The following SMIM17 variants were observed in gnomAD, a reference collection of about 807,000 sequenced individuals.
SMIM17 encodes the protein small integral membrane protein 17.
A neutral mutation model predicts 12.2 loss-of-function variants in SMIM17; 10 were observed. The observed-to-expected ratio is 0.82, with a 90% confidence interval of 0.50 to 1.39. SMIM17 has a LOEUF of 1.39. Among genes scored for constraint, SMIM17 ranks in the 40% most tolerant of loss-of-function variants. The pLI, the probability that SMIM17 is intolerant of heterozygous loss-of-function variation, is 0.00. For synonymous variants in SMIM17, 50 were observed against 44.1 expected (o/e 1.13, Z -0.53); for missense variants, 136 against 118.2 (o/e 1.15, Z -0.70).
intron 3 of SMIM17, among the ~76,000 whole-genome samples, chr19:56,651,141 A>G (rs555111578): frequency 2.6e-4 from 39 of 152,266 alleles, no homozygotes; most frequent in Non-Finnish European, 4.6e-4. Flanking sequence ...CAGGAGCTGG[A>G]CTTTGTGCTC....
At chr19:56,644,669 C>G (rs2045048291) in intron 1 of SMIM17, among the ~76,000 whole-genome samples, 2 of 152,208 alleles carry the variant, frequency 1.3e-5, no homozygotes, top group African/African-American at 4.8e-5. Context: ...TGCCATATAT[C>G]CACTGCCATT....
Position 56,645,950 on chromosome 19 carries a change from G to T in SMIM17, c.169+114G>T, listed in dbSNP as rs945308234. 5.9e-6 allele frequency: 7 copies of T among 1,178,450 alleles called. No individual in the cohort carries two copies. In the African/African-American group the frequency reaches 9.4e-5, roughly 16 times the overall value. The allele number at this position is 1,178,450 out of a possible 1,614,324, so 73.0% of individuals were successfully genotyped here. On this transcript the variant is annotated intron_variant, in intron 2 of 3. Coordinates refer to ENST00000598409, the MANE Select transcript of SMIM17 (RefSeq NM_001193628.2). ...CTCATCCATTCAACAGCTATTCATG[G>T]AGCACTGTGTCAGTCAGCTTTTGCT...
intron 3 of SMIM17, among the ~76,000 whole-genome samples, chr19:56,648,051 T>TTCCATCCATCCATCCA (rs72265006): frequency 7.5e-6 from 1 of 134,014 alleles, no homozygotes; most frequent in Non-Finnish European, 1.6e-5. Context: ...TGTATACCCA[T>TTCCATCCATCCATCCA]TCCATCCATC....
intron 3 of SMIM17, among the ~76,000 whole-genome samples, chr19:56,651,618 C>A (rs573031190): frequency 2.8e-4 from 42 of 152,166 alleles, no homozygotes; most frequent in African/African-American, 9.9e-4. Flanking sequence ...GTTGCTGTAA[C>A]AGGCCAAATT....
At chr19:56,649,482 G>T (rs561860216) in intron 3 of SMIM17, among the ~76,000 whole-genome samples, 1 of 152,284 alleles carries the variant, frequency 6.6e-6, no homozygotes, top group South Asian at 2.1e-4. Flanking sequence ...GGTGATAACT[G>T]CTATGGAGAA....
At chr19:56,653,183 T>A (rs1477984900) in intron 3 of SMIM17, among the ~76,000 whole-genome samples, 2 of 152,312 alleles carry the variant, frequency 1.3e-5, no homozygotes, top group African/African-American at 4.8e-5. Flanking sequence ...CTGGTCCATC[T>A]CACTCCCCAG....
Position 56,643,160 on chromosome 19 carries a change from G to C in SMIM17, c.-151G>C, listed in dbSNP as rs2045036611. ...CAGCCTCCGCGTCTGCGCAGCCGCA[G>C]TCAGTGCGGCGCCAGCTCTGCAGAG... On this transcript the variant is annotated 5_prime_UTR_variant, in exon 1 of 4. Transcript: ENST00000598409. The C allele has an allele frequency of 6.6e-6, 1 of 151,918 alleles. No homozygotes were observed. Among genetic ancestry groups the C allele is most frequent in the Non-Finnish European group, 1.5e-5 (1 of 68,004 alleles). The allele number at this position is 151,918 out of a possible 1,614,324, so 9.4% of individuals were successfully genotyped here. A position where few individuals can be genotyped will look rare whatever the true frequency, so the allele number is the denominator to read the frequency against.
intron 3 of SMIM17, among the ~76,000 whole-genome samples, chr19:56,651,389 C>T (rs945085439): frequency 1.2e-4 from 18 of 152,064 alleles, no homozygotes; most frequent in Admixed American, 6.5e-5. Flanking sequence ...CACTATACCT[C>T]CTGTGGAGAG....
rs2045143388 is a variant in SMIM17 at position 56,655,481 on chromosome 19, C to T, written c.*268C>T. 1 of 403,392 alleles carries T rather than the reference C, an allele frequency of 2.5e-6. No homozygotes were observed. The highest frequency in any genetic ancestry group is 4.4e-6 in the Non-Finnish European group (1 of 229,074). The allele number at this position is 403,392 out of a possible 1,614,324, so 25.0% of individuals were successfully genotyped here. A position where few individuals can be genotyped will look rare whatever the true frequency, so the allele number is the denominator to read the frequency against. On this transcript the variant is annotated 3_prime_UTR_variant, in exon 4 of 4. Coordinates refer to ENST00000598409, the MANE Select transcript of SMIM17 (RefSeq NM_001193628.2). The stretch of plus-strand genomic sequence containing the variant: ...TGCTAATTAATCATTAAGATGCCAC[C>T]AACTGGAAGATATCTCCTGACTTTG...
intron 2 of SMIM17, among the ~76,000 whole-genome samples, chr19:56,646,379 G>A (rs2045063179): frequency 6.6e-6 from 1 of 152,190 alleles, no homozygotes; most frequent in Non-Finnish European, 1.5e-5. Flanking sequence ...TTTCAACTGG[G>A]CGTGGTCTTA....
chr19:56,647,549 C>A lies in SMIM17; in HGVS notation c.170-9C>A. The A allele has an allele frequency of 6.5e-7, 1 of 1,535,028 alleles. No individual in the cohort carries two copies. The highest frequency in any genetic ancestry group is 8.7e-7 in the Non-Finnish European group (1 of 1,146,326). ...GGCTCCTTTTTCCTCCACTCCCACCCTCACCCAGACCTGTCTTCTCAAGAG... is the reference window on the plus strand; with the variant it reads ...GGCTCCTTTTTCCTCCACTCCCACCATCACCCAGACCTGTCTTCTCAAGAG... On this transcript the variant is annotated splice_polypyrimidine_tract_variant and intron_variant, in intron 2 of 3. Coordinates refer to ENST00000598409, the MANE Select transcript of SMIM17 (RefSeq NM_001193628.2).
chr19:56,648,958 C>T (rs893976236), intron 3 of SMIM17, among the ~76,000 whole-genome samples: 2 of 152,208 alleles, frequency 1.3e-5, no homozygotes, highest in African/African-American at 4.8e-5. Context: ...CTCTGGCTGC[C>T]TCAAGCCAGA....
Position 56,655,178 on chromosome 19 carries a change from G to A in SMIM17, c.322G>A (p.Val108Ile). 1 of 702,574 alleles carries A rather than the reference G, an allele frequency of 1.4e-6. No individual in the cohort carries two copies. Among genetic ancestry groups the A allele is most frequent in the Non-Finnish European group, 2.6e-6 (1 of 384,778 alleles). 43.5% of individuals were successfully genotyped at this position (702,574 alleles called of 1,614,324 possible). Residue 108 changes from valine to isoleucine, a missense_variant, in exon 4 of 4, where the codon GTT (valine) becomes ATT (isoleucine). Transcript: ENST00000598409. ...AGTGTGCGTGCTTTTTTTGTTCCTG[G>A]TTTTAACGGGGATGCCTATGATGTT... ...LVVCVLFLFLVLTGMPMMFHI is the reference protein window; with the variant it reads ...LVVCVLFLFLILTGMPMMFHI
chr19:56,647,751 C>A, intron 3 of SMIM17, 117 bp downstream of exon 3: 3 of 839,584 alleles, frequency 3.6e-6, no homozygotes, highest in Non-Finnish European at 5.6e-6. Flanking sequence ...CTCAAGAGAT[C>A]TCTTGTGTCT....
intron 3 of SMIM17, among the ~76,000 whole-genome samples, chr19:56,651,657 G>C (rs530558500): frequency 6.6e-6 from 1 of 152,248 alleles, no homozygotes; most frequent in African/African-American, 2.4e-5. Context: ...TTGGGGTAGT[G>C]GTTACCTTTG....
At chr19:56,646,393 C>T (rs2045063363) in intron 2 of SMIM17, among the ~76,000 whole-genome samples, 2 of 152,092 alleles carry the variant, frequency 1.3e-5, no homozygotes, top group Admixed American at 6.5e-5. Flanking sequence ...GGTCTTATAC[C>T]CCACTTCTCC....
intron 2 of SMIM17, among the ~76,000 whole-genome samples, chr19:56,646,393 C>G (rs2045063363): frequency 6.6e-6 from 1 of 152,210 alleles, no homozygotes; most frequent in Non-Finnish European, 1.5e-5. Context: ...GGTCTTATAC[C>G]CCACTTCTCC....
chr19:56,653,792 G>A (rs1334978146), intron 3 of SMIM17, among the ~76,000 whole-genome samples: 2 of 152,172 alleles, frequency 1.3e-5, no homozygotes, highest in African/African-American at 4.8e-5. Flanking sequence ...AGGCTAAAGG[G>A]AGGAATTTGT....
In SMIM17 at chr19:56,648,132, AT is replaced by A. The variant is rs1418880813; in HGVS notation, c.246+499del. 8.6e-4 allele frequency among the ~76,000 whole-genome samples: 5 copies of A among 5,806 alleles called. No individual in the cohort carries two copies. The African/African-American group carries it at 0.012, about 14-fold the overall frequency. 3.8% of individuals were successfully genotyped at this position (5,806 alleles called of 152,430 possible). A position where few individuals can be genotyped will look rare whatever the true frequency, so the allele number is the denominator to read the frequency against. ...CTATACTTCATCTGTTTATCCACTT[AT>A]CCATCCATCCATCCATCCATCCATC... On this transcript the variant is annotated intron_variant, in intron 3 of 3. Transcript: ENST00000598409.
Sources: gnomAD v4.1 joint callset for allele counts (sites outside exome capture counted in the v4.1 genomes callset) on GRCh38, gnomAD v4.1.1 for gene constraint, MANE v1.5 for transcripts, NCBI Gene and HGNC (gene_info 2026-07-23, HGNC 2026-07-21) for gene names.